Variants in VTI1A observed in about 807,000 individuals in gnomAD.
VTI1A encodes vesicle transport through interaction with t-SNAREs homolog 1A.
VTI1A carries 22 observed loss-of-function variants against 34.9 expected under a neutral mutation model. The observed-to-expected ratio is 0.63, with a 90% confidence interval of 0.45 to 0.90. The LOEUF (loss-of-function observed/expected upper bound fraction) is 0.90, where lower values mean the gene tolerates loss of function less well. VTI1A is among the 40% of genes least tolerant of loss of function. VTI1A has a pLI of 0.00. For missense variants in VTI1A, 268 were observed against 275.6 expected, an observed-to-expected ratio of 0.97 and a Z score of 0.20; for synonymous variants, 87 against 97.3, an observed-to-expected ratio of 0.89 and a Z score of 0.62.
intron 5 of VTI1A, among the ~76,000 whole-genome samples, chr10:112,632,641 A>C (rs927720790): frequency 6.6e-6 from 1 of 152,192 alleles, no homozygotes; most frequent in African/African-American, 2.4e-5. Context: ...GTTGAGGTAC[A>C]TCACTTCTGA....
chr10:112,698,663 A>G lies in VTI1A; in HGVS notation c.560+29665A>G, dbSNP rs144203362. Among the ~76,000 whole-genome samples, 804 of 152,336 alleles carry G rather than the reference A, an allele frequency of 5.3e-3. 7 individuals carry two copies. The highest frequency in any genetic ancestry group is 0.019 in the African/African-American group (771 of 41,572). On this transcript the variant is annotated intron_variant, in intron 7 of 7. Coordinates refer to ENST00000393077, the MANE Select transcript of VTI1A (RefSeq NM_145206.4). ...TGGCTTAACACCCTTCTGCTCACAC[A>G]TGGTTAAACACGTGTTTGAACTGAT...
chr10:112,653,630 C>T (rs758197023), intron 5 of VTI1A, among the ~76,000 whole-genome samples: 5 of 152,150 alleles, frequency 3.3e-5, no homozygotes, highest in South Asian at 2.1e-4. Context: ...AGATTAAATA[C>T]GGTATCCATT....
Position 112,817,333 on chromosome 10 carries a change from G to A in VTI1A, c.*1950G>A, listed in dbSNP as rs1227000625. 2.2e-5 allele frequency: 5 copies of A among 232,226 alleles called. No homozygotes were observed. The highest frequency in any genetic ancestry group is 6.6e-5 in the African/African-American group (3 of 45,282). 14.4% of individuals were successfully genotyped at this position (232,226 alleles called of 1,614,324 possible). ...GGCCACCTAGCAAGCAAGGTTGATCGGATCATCTAAACTGGCCGCCTCCTG... is the reference window on the plus strand; with the variant it reads ...GGCCACCTAGCAAGCAAGGTTGATCAGATCATCTAAACTGGCCGCCTCCTG... On this transcript the variant is annotated 3_prime_UTR_variant, in exon 8 of 8. Coordinates refer to ENST00000393077, the MANE Select transcript of VTI1A (RefSeq NM_145206.4).
chr10:112,849,297 G>A, the VTI1A span, among the ~76,000 whole-genome samples: 1 of 152,242 alleles, frequency 6.6e-6, no homozygotes, highest in Non-Finnish European at 1.5e-5. Flanking sequence ...TGCTGGAGAT[G>A]TTTCTAAATT....
intron 3 of VTI1A, among the ~76,000 whole-genome samples, chr10:112,504,604 A>G (rs978431698): frequency 6.6e-6 from 1 of 152,210 alleles, no homozygotes; most frequent in African/African-American, 2.4e-5. Flanking sequence ...GCTGAAATGA[A>G]TAACTCTGAA....
chr10:112,513,236 G>T (rs980094086), intron 3 of VTI1A, among the ~76,000 whole-genome samples: 15 of 151,864 alleles, frequency 9.9e-5, no homozygotes, highest in African/African-American at 3.4e-4. Flanking sequence ...ATAGTTTTCA[G>T]TATACAAGTT....
intron 5 of VTI1A, among the ~76,000 whole-genome samples, chr10:112,655,588 C>T (rs556471567): frequency 2.0e-5 from 3 of 151,914 alleles, no homozygotes; most frequent in Non-Finnish European, 2.9e-5. Flanking sequence ...TGTTGGTGGT[C>T]TTTGAATAAG....
chr10:112,840,919 G>T, the VTI1A span, among the ~76,000 whole-genome samples: 1 of 152,148 alleles, frequency 6.6e-6, no homozygotes, highest in Non-Finnish European at 1.5e-5. Context: ...GTTAAGCGGA[G>T]AAGACTAAAT....
intron 7 of VTI1A, among the ~76,000 whole-genome samples, chr10:112,750,183 GTTTTGT>G (rs1851053006): frequency 6.7e-6 from 1 of 149,838 alleles, no homozygotes. Flanking sequence ...TTTTTTTTTA[GTTTTGT>G]TTTTGTTTTT....
chr10:112,852,717 T>C, the VTI1A span, among the ~76,000 whole-genome samples: 12 of 152,242 alleles, frequency 7.9e-5, no homozygotes, highest in African/African-American at 9.6e-5. Flanking sequence ...CCTCTGGGGA[T>C]TGCTCCTCTC....
rs955812100 is a variant in VTI1A, at chr10:112,767,382, T to G, written c.561-47908T>G. 6.6e-6 allele frequency among the ~76,000 whole-genome samples: 1 copy of G among 152,182 alleles called. No homozygotes were observed. Among genetic ancestry groups the G allele is most frequent in the Admixed American group, 6.5e-5 (1 of 15,284 alleles). ...CTCTTAATCATTTGTTTATTTTGCT[T>G]CCCCAAGTCCCTTCTTCACCTGGAG... On this transcript the variant is annotated intron_variant, in intron 7 of 7. Transcript: ENST00000393077. The surrounding 1 kb of genome is among the most constrained non-coding windows in gnomAD (Gnocchi z 4.0).
At chr10:112,840,263 TC>T in the VTI1A span, among the ~76,000 whole-genome samples, 1 of 152,136 alleles carries the variant, frequency 6.6e-6, no homozygotes, top group African/African-American at 2.4e-5. Context: ...AATTTTTGTC[TC>T]CATTTCCTAC....
chr10:112,537,143 AC>A (rs779985298), intron 4 of VTI1A, among the ~76,000 whole-genome samples: 18 of 151,806 alleles, frequency 1.2e-4, no homozygotes, highest in Non-Finnish European at 2.4e-4. Flanking sequence ...ACATCTGTCA[AC>A]AACACAAAGT....
intron 7 of VTI1A, among the ~76,000 whole-genome samples, chr10:112,745,005 G>A (rs1008602173): frequency 1.3e-5 from 2 of 152,270 alleles, no homozygotes; most frequent in Non-Finnish European, 2.9e-5. Context: ...AGAAAAGAAA[G>A]TACAATACAT....
intron 7 of VTI1A, among the ~76,000 whole-genome samples, chr10:112,699,105 G>A (rs766309458): frequency 2.0e-5 from 3 of 152,248 alleles, no homozygotes; most frequent in Non-Finnish European, 4.4e-5. Context: ...ATGACCAGAT[G>A]TAGAGTTGAA....
intron 7 of VTI1A, among the ~76,000 whole-genome samples, chr10:112,733,161 A>G (rs1261172703): frequency 6.6e-6 from 1 of 152,158 alleles, no homozygotes; most frequent in Non-Finnish European, 1.5e-5. Flanking sequence ...TTGGGCTGCC[A>G]TGGTGTTTTT....
chr10:112,842,051 C>T, the VTI1A span, among the ~76,000 whole-genome samples: 6,634 of 66,420 alleles, frequency 0.1, 162 homozygotes, highest in Middle Eastern at 0.12. Flanking sequence ...TTTTTTTTTC[C>T]TTTTTTTTTT....
chr10:112,837,467 G>A, the VTI1A span, among the ~76,000 whole-genome samples: 2,935 of 152,282 alleles, frequency 0.019, 97 homozygotes, highest in African/African-American at 0.066. Context: ...GCGTGGTTGC[G>A]TGGGAACCCT....
the VTI1A span, among the ~76,000 whole-genome samples, chr10:112,855,089 CACCTGGGATGGGAAGCTCG>C: frequency 1.1e-4 from 16 of 152,274 alleles, no homozygotes; most frequent in East Asian, 1.9e-4. Context: ...GGAGAAGCTC[CACCTGGGATGGGAAGCTCG>C]ACCTGGGATG....
Sources: gnomAD v4.1 joint callset for allele counts (sites outside exome capture counted in the v4.1 genomes callset) on GRCh38, gnomAD v4.1.1 for gene constraint, Gnocchi (gnomAD v3.1) non-coding constraint, MANE v1.5 for transcripts, NCBI Gene and HGNC (gene_info 2026-07-23, HGNC 2026-07-21) for gene names.